STIM2: variants seen among roughly 807,000 people sequenced by gnomAD.
STIM2 encodes stromal interaction molecule 2.
In STIM2, 31 loss-of-function variants were observed where a neutral mutation model predicts 85.8. The observed-to-expected ratio is 0.36, with a 90% confidence interval of 0.27 to 0.49. The LOEUF (loss-of-function observed/expected upper bound fraction) is 0.49, where lower values mean the gene tolerates loss of function less well. STIM2 is among the 20% of genes least tolerant of loss of function. The pLI is 0.98. For missense variants in STIM2, 841 were observed against 927.6 expected (o/e 0.91, Z 1.21); for synonymous variants, 356 against 331.1 (o/e 1.08, Z -0.82).
chr4:26,957,876 C>A, intron 3 of STIM2, 150 bp downstream of exon 3: 1 of 547,918 alleles, frequency 1.8e-6, no homozygotes. Context: ...ATTTTCCCTT[C>A]TTGTTTTTGA....
chr4:26,990,554 G>C (rs10007132), intron 3 of STIM2, among the ~76,000 whole-genome samples: 49,536 of 151,860 alleles, frequency 0.33, 8,493 homozygotes, highest in African/African-American at 0.43. Flanking sequence ...GTTAAGACCT[G>C]AAAAGCATAG....
intron 1 of STIM2, among the ~76,000 whole-genome samples, chr4:26,908,940 A>G (rs1320568188): frequency 6.6e-6 from 1 of 152,206 alleles, no homozygotes; most frequent in Non-Finnish European, 1.5e-5. Flanking sequence ...TGGGCCAGGC[A>G]TGTTGGCTCA....
chr4:26,953,779 A>G (rs980601208), intron 2 of STIM2, among the ~76,000 whole-genome samples: 1 of 152,016 alleles, frequency 6.6e-6, no homozygotes, highest in Non-Finnish European at 1.5e-5. Flanking sequence ...TGTTTGCCTT[A>G]CCACCTAGAC....
chr4:26,996,905 T>A (rs1390113257), intron 4 of STIM2, among the ~76,000 whole-genome samples: 1 of 152,190 alleles, frequency 6.6e-6, no homozygotes, highest in East Asian at 1.9e-4. Flanking sequence ...GTCAGTGTTA[T>A]AGCTACTCAT....
chr4:27,013,508 C>T (rs1193033321), intron 10 of STIM2, among the ~76,000 whole-genome samples: 1 of 151,938 alleles, frequency 6.6e-6, no homozygotes, highest in Non-Finnish European at 1.5e-5. Flanking sequence ...TCTTTCATTC[C>T]ATTCTTTTCT....
At chr4:26,938,760 G>C (rs181723504) in intron 2 of STIM2, among the ~76,000 whole-genome samples, 61 of 152,262 alleles carry the variant, frequency 4.0e-4, no homozygotes, top group African/African-American at 1.4e-3. Flanking sequence ...GAGATGGACA[G>C]AAGTGTTCTC....
chr4:26,984,143 T>C (rs961931153), intron 3 of STIM2, among the ~76,000 whole-genome samples: 1 of 152,212 alleles, frequency 6.6e-6, no homozygotes, highest in African/African-American at 2.4e-5. Context: ...GAAAGTGACA[T>C]TTTCCTTGGC....
At chr4:27,003,152 ACT>A in intron 7 of STIM2, 48 bp downstream of exon 7, 1 of 1,510,586 alleles carries the variant, frequency 6.6e-7, no homozygotes, top group Non-Finnish European at 8.8e-7. Flanking sequence ...TAACATTGCC[ACT>A]CTGAGGAGCC....
chr4:26,999,377 T>C, intron 5 of STIM2, 30 bp downstream of exon 5: 2 of 1,359,360 alleles, frequency 1.5e-6, no homozygotes, highest in Non-Finnish European at 1.0e-6. Flanking sequence ...CAGAGGATGA[T>C]GTAAAAGAAT....
intron 1 of STIM2, among the ~76,000 whole-genome samples, chr4:26,862,673 C>T (rs760649270): frequency 9.2e-5 from 14 of 152,174 alleles, no homozygotes; most frequent in Admixed American, 8.5e-4. Context: ...TTAAATGGAA[C>T]TTGATACATC....
chr4:27,022,466 C>T (rs1728944883), intron 11 of STIM2, 53 bp from the exon 12 acceptor site: 3 of 1,404,472 alleles, frequency 2.1e-6, no homozygotes, highest in Admixed American at 4.3e-5. Context: ...TCTGCTAGTA[C>T]TCTTAAGAAC....
At chr4:27,001,508 G>C (rs1728153769) in intron 5 of STIM2, among the ~76,000 whole-genome samples, 1 of 152,160 alleles carries the variant, frequency 6.6e-6, no homozygotes, top group South Asian at 2.1e-4. Context: ...CTTAGCACTA[G>C]TCACTCTTTG....
intron 10 of STIM2, among the ~76,000 whole-genome samples, chr4:27,013,394 A>G (rs1560240508): frequency 6.6e-6 from 1 of 152,054 alleles, no homozygotes; most frequent in Non-Finnish European, 1.5e-5. Flanking sequence ...ATGCATAGGA[A>G]AAACATAGTG....
chr4:26,948,165 C>G lies in STIM2; in HGVS notation c.283-9447C>G, dbSNP rs537568905. 1.1e-4 allele frequency among the ~76,000 whole-genome samples: 16 copies of G among 152,248 alleles called. No individual in the cohort carries two copies. In the South Asian group the frequency reaches 3.3e-3, roughly 32 times the overall value. On this transcript the variant is annotated intron_variant, in intron 2 of 11. Transcript: ENST00000467087. The stretch of plus-strand genomic sequence containing the variant: ...TCTCAGCTTTGCTTTCTTTGCTGGC[C>G]GTATTATTCTCAGGTTCATTCTCCC...
intron 1 of STIM2, among the ~76,000 whole-genome samples, chr4:26,908,321 G>T (rs1724202730): frequency 1.3e-5 from 2 of 152,200 alleles, no homozygotes; most frequent in Admixed American, 6.5e-5. Flanking sequence ...GATTTGGACA[G>T]ACGTGGGCTG....
chr4:26,988,131 A>G (rs1483419325), intron 3 of STIM2, among the ~76,000 whole-genome samples: 4 of 152,206 alleles, frequency 2.6e-5, no homozygotes, highest in African/African-American at 9.6e-5. Flanking sequence ...CCATAGTCCT[A>G]AAGGAATGTG....
intron 1 of STIM2, among the ~76,000 whole-genome samples, chr4:26,879,621 C>T (rs1024773914): frequency 4.6e-5 from 7 of 151,966 alleles, no homozygotes; most frequent in Non-Finnish European, 8.8e-5. Context: ...TTGAGGAAAC[C>T]GAAGGACTAT....
At chr4:27,018,353 C>G (rs963293669) in intron 11 of STIM2, among the ~76,000 whole-genome samples, 2 of 152,168 alleles carry the variant, frequency 1.3e-5, no homozygotes, top group Non-Finnish European at 2.9e-5. Flanking sequence ...GGCGGCTGCT[C>G]TCAGGTCCTG....
At chr4:26,978,434 AG>A (rs1727276333) in intron 3 of STIM2, among the ~76,000 whole-genome samples, 1 of 151,958 alleles carries the variant, frequency 6.6e-6, no homozygotes, top group South Asian at 2.1e-4. Flanking sequence ...GTGTATAGTC[AG>A]GGGCTTAATC....
Sources: allele counts gnomAD v4.1 joint callset (sites outside exome capture counted in the v4.1 genomes callset), GRCh38; gene constraint gnomAD v4.1.1; transcripts MANE v1.5; gene names NCBI Gene and HGNC (gene_info 2026-07-23, HGNC 2026-07-21).